The following GPR83 variants were observed in gnomAD, a reference collection of about 807,000 sequenced individuals.
GPR83 encodes the protein G protein-coupled receptor 83.
Under a neutral mutation model 28.0 loss-of-function variants are expected in GPR83, and 23 were observed. The ratio of observed to expected loss-of-function variants is 0.82; its 90% CI spans 0.59 to 1.16. The LOEUF (loss-of-function observed/expected upper bound fraction) is 1.16, where lower values mean the gene tolerates loss of function less well. Ranked by LOEUF, GPR83 falls within the 50% of genes most tolerant of loss-of-function variation. The pLI is 0.00. For missense variants in GPR83, 610 were observed against 536.6 expected (o/e 1.14, Z -1.35); for synonymous variants, 234 against 215.4 (o/e 1.09, Z -0.76).
rs575709144 is a variant in GPR83, at chr11:94,389,845, C to A, written c.647+3640G>T. Among the ~76,000 whole-genome samples the A allele has an allele frequency of 4.3e-3, 661 of 152,190 alleles. 9 individuals are homozygous for A. The highest frequency in any genetic ancestry group is 0.015 in the African/African-American group (635 of 41,546). ...GTATATACCCGAAGGATTATAAATC[C>A]TGCTGCTATAAAGACACATGCAGAC... On this transcript the variant is annotated intron_variant, in intron 3 of 3. Coordinates refer to ENST00000243673, the MANE Select transcript of GPR83 (RefSeq NM_016540.4).
rs1411724637 is a variant in GPR83, at chr11:94,401,189, T to C, written c.59A>G (p.His20Arg). The C allele has an allele frequency of 1.9e-5, 31 of 1,612,990 alleles. No individual in the cohort carries two copies. Among genetic ancestry groups the C allele is most frequent in the Non-Finnish European group, 2.5e-5 (29 of 1,179,658 alleles). ...GCTCTGCTCGTCGGCCCGGCCCTCGTGGGGCTCGGTGGCTCGCACCAAGGG... is the reference window on the plus strand; with the variant it reads ...GCTCTGCTCGTCGGCCCGGCCCTCGCGGGGCTCGGTGGCTCGCACCAAGGG... ...LLPLVRATEP[H>R]EGRADEQSAE... The change falls in exon 1 of 4, where the codon CAC (histidine) becomes CGC (arginine). Residue 20 changes from histidine (H) to arginine (R), a missense_variant. His to Arg is a conservative substitution (Grantham distance 29, BLOSUM62 0). Coordinates refer to ENST00000243673, the MANE Select transcript of GPR83 (RefSeq NM_016540.4).
intron 3 of GPR83, 33 bp from the exon 4 acceptor site, chr11:94,380,806 T>C: frequency 6.4e-7 from 1 of 1,560,552 alleles, no homozygotes; most frequent in Non-Finnish European, 8.7e-7. Context: ...GGGAGAGAGG[T>C]AACAGAAAGG....
At position 94,400,841 on chromosome 11, in the gene GPR83, G is replaced by A; in HGVS notation, c.387+20C>T. On this transcript the variant is annotated intron_variant, in intron 1 of 3. Transcript: ENST00000243673. ...GGAGACGAAGACAGAAGGTGGGGCG[G>A]CAGGCAGCGGGCCCCTTACCAAAGT... is the stretch of plus-strand genomic sequence containing the variant. 6.2e-7 allele frequency: 1 copy of A among 1,607,614 alleles called. No individual in the cohort carries two copies. The highest frequency in any genetic ancestry group is 8.5e-7 in the Non-Finnish European group (1 of 1,175,584).
intron 2 of GPR83, among the ~76,000 whole-genome samples, chr11:94,394,409 A>G (rs1472641825): frequency 1.3e-5 from 2 of 152,236 alleles, no homozygotes; most frequent in African/African-American, 2.4e-5. Flanking sequence ...ACTGAAATGC[A>G]TCTTGGAGTT....
chr11:94,385,336 A>C (rs1225326747), intron 3 of GPR83, among the ~76,000 whole-genome samples: 1 of 152,232 alleles, frequency 6.6e-6, no homozygotes, highest in African/African-American at 2.4e-5. Flanking sequence ...CAATGGAAAA[A>C]AGCTGGACGG....
intron 3 of GPR83, among the ~76,000 whole-genome samples, chr11:94,390,548 T>C (rs1156900625): frequency 6.6e-6 from 1 of 152,190 alleles, no homozygotes; most frequent in African/African-American, 2.4e-5. Flanking sequence ...TGTTTGCAGA[T>C]GACATGATTG....
At chr11:94,397,085 C>G (rs1944873432) in intron 1 of GPR83, among the ~76,000 whole-genome samples, 2 of 152,186 alleles carry the variant, frequency 1.3e-5, no homozygotes, top group South Asian at 4.1e-4. Flanking sequence ...ATTGTCACAA[C>G]ATAGCATGTG....
intron 2 of GPR83, among the ~76,000 whole-genome samples, chr11:94,393,910 T>G (rs1352189437): frequency 6.6e-6 from 1 of 152,088 alleles, no homozygotes; most frequent in African/African-American, 2.4e-5. Context: ...TTATGTTCAT[T>G]ATTGAGCCCC....
At chr11:94,388,769 A>G (rs1173474175) in intron 3 of GPR83, among the ~76,000 whole-genome samples, 2 of 152,222 alleles carry the variant, frequency 1.3e-5, no homozygotes, top group South Asian at 2.1e-4. Flanking sequence ...TATAGATTCA[A>G]TGCCATCCCC....
At position 94,380,139 on chromosome 11, in the gene GPR83, C is replaced by G. The variant is rs1324543023; in HGVS notation, c.*10G>C. 1 of 1,504,970 alleles carries G rather than the reference C, an allele frequency of 6.6e-7. No homozygotes were observed. The highest frequency in any genetic ancestry group is 8.9e-7 in the Non-Finnish European group (1 of 1,127,064). 93.2% of individuals were successfully genotyped at this position (1,504,970 alleles called of 1,614,324 possible). ...GACAGACCCCTCCCACTCCCTCTTC[C>G]CAACCTCTTCTAACTCATCGTCACA... On this transcript the variant is annotated 3_prime_UTR_variant, in exon 4 of 4. Transcript: ENST00000243673.
intron 3 of GPR83, among the ~76,000 whole-genome samples, chr11:94,392,582 T>C (rs1944827386): frequency 6.6e-6 from 1 of 152,134 alleles, no homozygotes; most frequent in African/African-American, 2.4e-5. Context: ...CTCAGCACTT[T>C]GGGAGCCCAA....
chr11:94,389,344 A>T, intron 3 of GPR83, among the ~76,000 whole-genome samples: 1 of 152,216 alleles, frequency 6.6e-6, no homozygotes, highest in Admixed American at 6.5e-5. Context: ...TAAACTAAAG[A>T]GCTTCTGCAG....
intron 3 of GPR83, among the ~76,000 whole-genome samples, chr11:94,390,161 G>A (rs534573356): frequency 4.6e-5 from 7 of 151,912 alleles, no homozygotes; most frequent in African/African-American, 1.7e-4. Flanking sequence ...CACACACTGG[G>A]GACTGTTGTG....
At chr11:94,387,409 A>G (rs1944770596) in intron 3 of GPR83, among the ~76,000 whole-genome samples, 1 of 152,234 alleles carries the variant, frequency 6.6e-6, no homozygotes, top group African/African-American at 2.4e-5. Flanking sequence ...TGAAAAGATC[A>G]ACAAAATTGA....
rs560808199 is a variant in GPR83 at position 94,383,496 on chromosome 11, T to A, written c.648-2723A>T. Among the ~76,000 whole-genome samples the A allele has an allele frequency of 2.2e-3, 339 of 152,072 alleles. 1 individual carries two copies. Among genetic ancestry groups the A allele is most frequent in the Non-Finnish European group, 3.8e-3 (255 of 67,986 alleles). On this transcript the variant is annotated intron_variant, in intron 3 of 3. Transcript: ENST00000243673. ...GAAATAACAAAGATCAGAGCAGAAC[T>A]GATGGAGATAGAGACAAAAAACCCT...
intron 1 of GPR83, among the ~76,000 whole-genome samples, chr11:94,398,953 C>G (rs1944889064): frequency 6.6e-6 from 1 of 152,178 alleles, no homozygotes; most frequent in Non-Finnish European, 1.5e-5. Context: ...CTCTGAGGAC[C>G]TTGGCATCCT....
At chr11:94,388,528 AACAG>A (rs1166247038) in intron 3 of GPR83, among the ~76,000 whole-genome samples, 1 of 152,184 alleles carries the variant, frequency 6.6e-6, no homozygotes, top group African/African-American at 2.4e-5. Context: ...ATACACCAAT[AACAG>A]ACAAACAGAG....
intron 3 of GPR83, among the ~76,000 whole-genome samples, chr11:94,390,500 G>A (rs1254287315): frequency 6.6e-6 from 1 of 152,072 alleles, no homozygotes; most frequent in African/African-American, 2.4e-5. Flanking sequence ...AAGAAAGAAA[G>A]GATATTCAAA....
intron 3 of GPR83, among the ~76,000 whole-genome samples, chr11:94,391,074 T>C (rs1944811962): frequency 6.6e-6 from 1 of 152,148 alleles, no homozygotes; most frequent in Non-Finnish European, 1.5e-5. Context: ...CTTCAAACTA[T>C]ACTACAAGGC....
Sources: gnomAD v4.1 joint callset for allele counts (sites outside exome capture counted in the v4.1 genomes callset) on GRCh38, gnomAD v4.1.1 for gene constraint, MANE v1.5 for transcripts, NCBI Gene and HGNC (gene_info 2026-07-23, HGNC 2026-07-21) for gene names.